Variants in SPSB1 observed in about 807,000 individuals in gnomAD.
The protein encoded by SPSB1 is splA/ryanodine receptor domain and SOCS box containing 1, also known as SPRY domain-containing SOCS box protein 1.
In SPSB1, 8 loss-of-function variants were observed where a neutral mutation model predicts 21.2. The observed-to-expected ratio is 0.38, with a 90% CI of 0.22 to 0.68. The LOEUF (loss-of-function observed/expected upper bound fraction) is 0.68. Ranked by LOEUF, SPSB1 falls within the 30% of genes least tolerant of loss-of-function variation. The pLI is 0.53. For synonymous variants in SPSB1, 169 were observed against 161.7 expected, an observed-to-expected ratio of 1.05 and a Z score of -0.34; for missense variants, 242 against 377.8, an observed-to-expected ratio of 0.64 and a Z score of 2.98.
At chr1:9,310,853 T>C (rs1388424417) in intron 1 of SPSB1, among the ~76,000 whole-genome samples, 1 of 152,186 alleles carries the variant, frequency 6.6e-6, no homozygotes, top group African/African-American at 2.4e-5. Flanking sequence ...CTTGCATTTA[T>C]GAAGCTTGGG....
intron 1 of SPSB1, among the ~76,000 whole-genome samples, chr1:9,306,735 A>C (rs1639418343): frequency 6.6e-6 from 1 of 152,202 alleles, no homozygotes; most frequent in East Asian, 1.9e-4. Flanking sequence ...AGCAGAGTGA[A>C]TGTCACTGTG....
Position 9,363,296 on chromosome 1 carries a change from C to A in SPSB1, c.695-4152C>A, listed in dbSNP as rs1640508281. Among the ~76,000 whole-genome samples the A allele has an allele frequency of 6.6e-6, 1 of 152,128 alleles. No individual in the cohort carries two copies. Among genetic ancestry groups the A allele is most frequent in the Non-Finnish European group, 1.5e-5 (1 of 68,028 alleles). Reference sequence around the variant, plus strand: ...CCATTCACAGGATGCCTGGGTGACTCTGGTCCTATTTTCAGCTCATAACAC... The same window carrying A: ...CCATTCACAGGATGCCTGGGTGACTATGGTCCTATTTTCAGCTCATAACAC... On this transcript the variant is annotated intron_variant, in intron 2 of 2. Transcript: ENST00000328089. This position sits in a 1 kb window ranked among gnomAD's most constrained non-coding sequence, Gnocchi z 4.5.
At chr1:9,335,321 G>T (rs961962587) in intron 1 of SPSB1, among the ~76,000 whole-genome samples, 3 of 151,636 alleles carry the variant, frequency 2.0e-5, no homozygotes, top group Non-Finnish European at 4.4e-5. Context: ...GGCCAACATG[G>T]CGAAACCCCG....
At chr1:9,301,712 A>C (rs953838839) in intron 1 of SPSB1, among the ~76,000 whole-genome samples, 1 of 152,162 alleles carries the variant, frequency 6.6e-6, no homozygotes, top group African/African-American at 2.4e-5. Flanking sequence ...GAGGTGATGC[A>C]TGGGCTCAGC....
At chr1:9,307,017 T>C (rs1169870203) in intron 1 of SPSB1, among the ~76,000 whole-genome samples, 1 of 149,858 alleles carries the variant, frequency 6.7e-6, no homozygotes, top group African/African-American at 2.4e-5. Flanking sequence ...AGCCTCCGCC[T>C]CCCAGGTTCC....
chr1:9,327,139 G>A (rs768489271), intron 1 of SPSB1, among the ~76,000 whole-genome samples: 11 of 152,170 alleles, frequency 7.2e-5, no homozygotes, highest in South Asian at 2.1e-4. Flanking sequence ...CACTTGCAGC[G>A]CTTCCGGGGG....
intron 2 of SPSB1, among the ~76,000 whole-genome samples, chr1:9,365,304 A>G (rs1379853416): frequency 1.3e-5 from 2 of 152,018 alleles, no homozygotes; most frequent in African/African-American, 4.8e-5. Flanking sequence ...TTTTGTAGCG[A>G]TGAGGTCTCC....
At chr1:9,358,323 T>C (rs1378550940) in intron 2 of SPSB1, among the ~76,000 whole-genome samples, 2 of 152,166 alleles carry the variant, frequency 1.3e-5, no homozygotes, top group Non-Finnish European at 2.9e-5. Flanking sequence ...CCAGGGCTGC[T>C]TGGTCCTCGT....
chr1:9,307,573 TC>T (rs1301608659), intron 1 of SPSB1, among the ~76,000 whole-genome samples: 15 of 152,296 alleles, frequency 9.8e-5, no homozygotes, highest in Admixed American at 5.9e-4. Context: ...AAGCTGGATT[TC>T]CCGTCCTGGC....
intron 1 of SPSB1, among the ~76,000 whole-genome samples, chr1:9,297,478 C>T (rs1030032922): frequency 1.3e-4 from 20 of 152,064 alleles, no homozygotes; most frequent in Non-Finnish European, 2.2e-4. Flanking sequence ...TGAGGAGCTG[C>T]ACTCCACACC....
At chr1:9,358,085 G>C (rs1173369396) in intron 2 of SPSB1, among the ~76,000 whole-genome samples, 1 of 152,170 alleles carries the variant, frequency 6.6e-6, no homozygotes, top group Non-Finnish European at 1.5e-5. Flanking sequence ...AAGTCTCCAA[G>C]CCTGCAGCTT....
intron 1 of SPSB1, among the ~76,000 whole-genome samples, chr1:9,347,982 A>T (rs4908536): frequency 0.66 from 96,383 of 146,814 alleles, 31,779 homozygotes; most frequent in African/African-American, 0.72. Context: ...TCTCGCTCTG[A>T]CGCCCAGGTT....
intron 1 of SPSB1, among the ~76,000 whole-genome samples, chr1:9,341,430 G>A (rs1386160202): frequency 1.3e-5 from 2 of 152,336 alleles, no homozygotes; most frequent in South Asian, 4.1e-4. Flanking sequence ...AGCTCCCTGA[G>A]GGCAGCAAGT....
chr1:9,307,120 G>A (rs1453745855), intron 1 of SPSB1, among the ~76,000 whole-genome samples: 1 of 151,738 alleles, frequency 6.6e-6, no homozygotes, highest in Non-Finnish European at 1.5e-5. Context: ...TAGAGATGGG[G>A]TTTCACCATG....
intron 1 of SPSB1, among the ~76,000 whole-genome samples, chr1:9,329,014 G>C (rs1639870750): frequency 6.6e-6 from 1 of 152,202 alleles, no homozygotes; most frequent in Non-Finnish European, 1.5e-5. Context: ...GTCCTACTAG[G>C]GGCGGGCCCT....
intron 1 of SPSB1, among the ~76,000 whole-genome samples, chr1:9,333,466 G>A (rs983410105): frequency 6.6e-6 from 1 of 151,992 alleles, no homozygotes; most frequent in Non-Finnish European, 1.5e-5. Flanking sequence ...AAGTAGGTGG[G>A]ACTACAGGCG....
intron 1 of SPSB1, among the ~76,000 whole-genome samples, chr1:9,323,027 C>T (rs963986396): frequency 7.9e-5 from 12 of 152,236 alleles, no homozygotes; most frequent in African/African-American, 2.7e-4. Flanking sequence ...CCCACGGTGA[C>T]AGTGTCTGGC....
intron 1 of SPSB1, among the ~76,000 whole-genome samples, chr1:9,298,135 A>G (rs1013824267): frequency 6.6e-5 from 10 of 151,852 alleles, no homozygotes; most frequent in South Asian, 2.1e-4. Flanking sequence ...GATCTATGGC[A>G]TTGGATAGTT....
intron 1 of SPSB1, among the ~76,000 whole-genome samples, chr1:9,336,876 C>T (rs12728282): frequency 0.48 from 72,291 of 151,960 alleles, 18,260 homozygotes; most frequent in Middle Eastern, 0.59. Flanking sequence ...GAGACCCAGG[C>T]GGGTACGGGT....
Sources: allele counts gnomAD v4.1 joint callset (sites outside exome capture counted in the v4.1 genomes callset), GRCh38; gene constraint gnomAD v4.1.1; non-coding constraint Gnocchi (gnomAD v3.1); transcripts MANE v1.5; gene names NCBI Gene and HGNC (gene_info 2026-07-23, HGNC 2026-07-21).